The following EPHA3 variants were observed in gnomAD, a reference collection of about 807,000 sequenced individuals.
The protein encoded by EPHA3 is EPH receptor A3.
Under a neutral mutation model 107.1 loss-of-function variants are expected in EPHA3, and 42 were observed. The observed-to-expected ratio is 0.39, with a 90% CI of 0.31 to 0.51. The LOEUF (loss-of-function observed/expected upper bound fraction) is 0.51. Among genes scored for constraint, EPHA3 ranks in the 20% least tolerant of loss-of-function variants. The pLI, the probability that EPHA3 is intolerant of heterozygous loss-of-function variation, is 0.78. For synonymous variants in EPHA3, 461 were observed against 424.8 expected (o/e 1.09, Z -1.05); for missense variants, 1,183 against 1,211.2 (o/e 0.98, Z 0.35).
chr3:89,151,184 G>A (rs1704683636), intron 2 of EPHA3, among the ~76,000 whole-genome samples: 1 of 151,980 alleles, frequency 6.6e-6, no homozygotes, highest in African/African-American at 2.4e-5. Context: ...ATGTGCCGTC[G>A]AAAGCCATGT....
chr3:89,303,736 A>T (rs1706545509), intron 3 of EPHA3, among the ~76,000 whole-genome samples: 2 of 152,292 alleles, frequency 1.3e-5, no homozygotes, highest in South Asian at 4.1e-4. Context: ...AGAATTTTTT[A>T]AAATAAAGCA....
chr3:89,274,995 G>T (rs1479647261), intron 3 of EPHA3, among the ~76,000 whole-genome samples: 1 of 151,946 alleles, frequency 6.6e-6, no homozygotes, highest in Admixed American at 6.6e-5. Context: ...TTAACATCCT[G>T]CTCCATAGAC....
At chr3:89,322,742 C>G (rs1279046584) in intron 3 of EPHA3, among the ~76,000 whole-genome samples, 1 of 152,068 alleles carries the variant, frequency 6.6e-6, no homozygotes, top group African/African-American at 2.4e-5. Context: ...CTGAGGAGAT[C>G]CATTCAGCTT....
intron 2 of EPHA3, among the ~76,000 whole-genome samples, chr3:89,175,430 A>C (rs1204754448): frequency 1.3e-5 from 2 of 152,138 alleles, no homozygotes; most frequent in East Asian, 3.9e-4. Flanking sequence ...GTGGCTTACA[A>C]GTGTAGTGTA....
intron 2 of EPHA3, among the ~76,000 whole-genome samples, chr3:89,162,224 A>G (rs763959774): frequency 6.6e-6 from 1 of 152,066 alleles, no homozygotes; most frequent in African/African-American, 2.4e-5. Flanking sequence ...TCCTGGACAT[A>G]TTAGGTAATT....
chr3:89,145,102 T>A (rs1704508649), intron 2 of EPHA3, among the ~76,000 whole-genome samples: 1 of 151,672 alleles, frequency 6.6e-6, no homozygotes, highest in African/African-American at 2.4e-5. Context: ...TAAACAAAAT[T>A]TTGTTTTCTT....
rs1358188328 is a variant in EPHA3, at chr3:89,348,328, C to A, written c.1306+6238C>A. On this transcript the variant is annotated intron_variant, in intron 5 of 16. Coordinates refer to ENST00000336596, the MANE Select transcript of EPHA3 (RefSeq NM_005233.6). ...GATCTATTCAGAGATTCAACTTCTT[C>A]CTGGTTTAGTCTTGGGAGAGTGTAT... Among the ~76,000 whole-genome samples, 49 of 139,412 alleles carry A rather than the reference C, an allele frequency of 3.5e-4. No homozygotes were observed. In the South Asian group the frequency reaches 9.9e-3, roughly 28 times the overall value. 91.5% of individuals were successfully genotyped at this position (139,412 alleles called of 152,430 possible).
intron 2 of EPHA3, among the ~76,000 whole-genome samples, chr3:89,142,050 C>A (rs1216475726): frequency 6.6e-6 from 1 of 151,042 alleles, no homozygotes; most frequent in East Asian, 1.9e-4. Context: ...AAACTTTTTT[C>A]TAAATATTAA....
chr3:89,399,738 T>A (rs73137375), intron 7 of EPHA3: 12 of 1,186,754 alleles, frequency 1.0e-5, no homozygotes, highest in Non-Finnish European at 1.3e-5. Flanking sequence ...TTTTTTTTTT[T>A]AGCCATAAAT....
intron 3 of EPHA3, among the ~76,000 whole-genome samples, chr3:89,296,895 G>T (rs1188696740): frequency 6.6e-6 from 1 of 152,066 alleles, no homozygotes; most frequent in Non-Finnish European, 1.5e-5. Context: ...ATCAGTACTT[G>T]CTGCTTCACC....
chr3:89,352,923 AG>A (rs1707863601), intron 5 of EPHA3, among the ~76,000 whole-genome samples: 2 of 148,074 alleles, frequency 1.4e-5, no homozygotes, highest in African/African-American at 5.0e-5. Context: ...AAAAAAAAAA[AG>A]GAAAAAGAAA....
chr3:89,457,754 G>T (rs1710128268), intron 15 of EPHA3, among the ~76,000 whole-genome samples: 1 of 152,208 alleles, frequency 6.6e-6, no homozygotes, highest in Non-Finnish European at 1.5e-5. Flanking sequence ...TAGTTCTTTG[G>T]CAGCTACTTC....
intron 3 of EPHA3, among the ~76,000 whole-genome samples, chr3:89,313,761 G>A (rs1706825824): frequency 6.6e-6 from 1 of 151,742 alleles, no homozygotes; most frequent in Non-Finnish European, 1.5e-5. Context: ...TTAGTGAATG[G>A]TAACAAAAAG....
intron 2 of EPHA3, among the ~76,000 whole-genome samples, chr3:89,127,962 G>A (rs1704127042): frequency 6.6e-6 from 1 of 152,004 alleles, no homozygotes; most frequent in Non-Finnish European, 1.5e-5. Context: ...AATGAGGGGA[G>A]TGTTATTTAC....
chr3:89,305,634 G>C (rs1352050098), intron 3 of EPHA3, among the ~76,000 whole-genome samples: 1 of 151,910 alleles, frequency 6.6e-6, no homozygotes, highest in Non-Finnish European at 1.5e-5. Flanking sequence ...GATTGTAAGG[G>C]GAAAAAACCT....
intron 3 of EPHA3, among the ~76,000 whole-genome samples, chr3:89,248,549 G>A (rs1044828600): frequency 6.6e-6 from 1 of 152,162 alleles, no homozygotes; most frequent in Non-Finnish European, 1.5e-5. Flanking sequence ...GCATTTCGGT[G>A]TAGTAATAGA....
At chr3:89,374,892 G>A (rs976061455) in intron 5 of EPHA3, among the ~76,000 whole-genome samples, 1 of 151,652 alleles carries the variant, frequency 6.6e-6, no homozygotes, top group African/African-American at 2.4e-5. Context: ...TTGAAAAAAA[G>A]TAATGCCACT....
intron 3 of EPHA3, among the ~76,000 whole-genome samples, chr3:89,265,421 T>C (rs1476162272): frequency 6.6e-6 from 1 of 152,192 alleles, no homozygotes; most frequent in Non-Finnish European, 1.5e-5. Flanking sequence ...AAAGTTATTT[T>C]CTAAAAAATG....
intron 3 of EPHA3, among the ~76,000 whole-genome samples, chr3:89,323,421 C>T (rs1707088831): frequency 1.3e-5 from 2 of 152,104 alleles, no homozygotes; most frequent in South Asian, 4.1e-4. Flanking sequence ...CATTCTGAAC[C>T]TGGGCTCTTA....
Sources: gnomAD v4.1 joint callset for allele counts (sites outside exome capture counted in the v4.1 genomes callset) on GRCh38, gnomAD v4.1.1 for gene constraint, MANE v1.5 for transcripts, NCBI Gene and HGNC (gene_info 2026-07-23, HGNC 2026-07-21) for gene names.